The following PRKCA variants were observed in gnomAD, a reference collection of about 807,000 sequenced individuals.
The protein encoded by PRKCA is protein kinase C alpha, also known as protein kinase C alpha type.
PRKCA carries 27 observed loss-of-function variants against 87.0 expected under a neutral mutation model. The observed-to-expected ratio is 0.31, with a 90% CI of 0.23 to 0.43. PRKCA has a LOEUF of 0.43. Among genes scored for constraint, PRKCA ranks in the 20% least tolerant of loss-of-function variants. The probability of loss-of-function intolerance (pLI) is 1.00; values close to 1 mark genes in which losing one functional copy is unlikely to be tolerated. For synonymous variants in PRKCA, 329 were observed against 311.1 expected (o/e 1.06, Z -0.61); for missense variants, 518 against 852.3 (o/e 0.61, Z 4.88).
chr17:66,360,584 A>G (rs1908333923), intron 2 of PRKCA, among the ~76,000 whole-genome samples: 1 of 152,204 alleles, frequency 6.6e-6, no homozygotes, highest in Admixed American at 6.5e-5. Context: ...TGCTTGTGGC[A>G]GCTGGGAACA....
intron 2 of PRKCA, among the ~76,000 whole-genome samples, chr17:66,353,118 T>A (rs1490661152): frequency 3.3e-5 from 5 of 152,176 alleles, no homozygotes; most frequent in Admixed American, 3.3e-4. Flanking sequence ...ACTACACAGC[T>A]GGGTGGCTAT....
intron 2 of PRKCA, among the ~76,000 whole-genome samples, chr17:66,410,831 C>T (rs1254051427): frequency 1.3e-5 from 2 of 152,228 alleles, no homozygotes; most frequent in Non-Finnish European, 1.5e-5. Flanking sequence ...CCACCTTGGC[C>T]TCCCAAAGTG....
intron 2 of PRKCA, among the ~76,000 whole-genome samples, chr17:66,400,618 A>G (rs923694462): frequency 1.3e-5 from 2 of 152,218 alleles, no homozygotes; most frequent in Non-Finnish European, 1.5e-5. Context: ...CCTGCTTTCA[A>G]TTCTTTAGGA....
chr17:66,491,032 C>G (rs1320673158), intron 2 of PRKCA, among the ~76,000 whole-genome samples: 3 of 152,150 alleles, frequency 2.0e-5, no homozygotes, highest in Non-Finnish European at 2.9e-5. Flanking sequence ...ATTGGGTGTT[C>G]TCAGTTTTAA....
intron 8 of PRKCA, among the ~76,000 whole-genome samples, chr17:66,698,888 A>G (rs2144082589): frequency 6.6e-6 from 1 of 151,470 alleles, no homozygotes; most frequent in Middle Eastern, 3.5e-3. Flanking sequence ...GCTGAGGCAC[A>G]GGAATCACTT....
intron 3 of PRKCA, chr17:66,638,136 GTGTGTGTA>G (rs570453856): frequency 0.011 from 1,699 of 148,188 alleles, 27 homozygotes; most frequent in African/African-American, 0.039. Context: ...GTGTGTGTGT[GTGTGTGTA>G]TATATATATA....
chr17:66,772,270 A>T (rs1974950459), intron 13 of PRKCA, among the ~76,000 whole-genome samples: 1 of 151,728 alleles, frequency 6.6e-6, no homozygotes, highest in African/African-American at 2.4e-5. Context: ...GAAATTAGAG[A>T]CTCCTTGTAG....
rs1975757241 is a variant in PRKCA at position 66,798,531 on chromosome 17, TGGTGGTGAC to T, written c.1855-5334_1855-5326del. ...GTGACGGTGGTGACGGTGGTGGTGATGGTGGTGACGGTGGTGGTGGTGATGGTGGTGGTG... is the reference window on the plus strand; with the variant it reads ...GTGACGGTGGTGACGGTGGTGGTGATGGTGGTGGTGGTGATGGTGGTGGTG... On this transcript the variant is annotated intron_variant, in intron 16 of 16. Coordinates refer to ENST00000413366, the MANE Select transcript of PRKCA (RefSeq NM_002737.3). Among the ~76,000 whole-genome samples the T allele has an allele frequency of 6.4e-5, 2 of 31,226 alleles. 1 individual carries two copies. Among genetic ancestry groups the T allele is most frequent in the African/African-American group, 4.5e-4 (2 of 4,458 alleles). 20.5% of individuals were successfully genotyped at this position (31,226 alleles called of 152,430 possible). A position where few individuals can be genotyped will look rare whatever the true frequency, so the allele number is the denominator to read the frequency against.
At chr17:66,509,248 T>G (rs1407795776) in intron 3 of PRKCA, among the ~76,000 whole-genome samples, 1 of 151,874 alleles carries the variant, frequency 6.6e-6, no homozygotes, top group Non-Finnish European at 1.5e-5. Context: ...AATGCAATTA[T>G]GGAGGCCGGC....
intron 16 of PRKCA, among the ~76,000 whole-genome samples, chr17:66,794,436 G>A (rs1358049641): frequency 3.3e-5 from 5 of 150,720 alleles, no homozygotes; most frequent in African/African-American, 1.2e-4. Flanking sequence ...TTTAATTATC[G>A]AAGCTGGTGC....
chr17:66,730,279 A>G (rs1192552971), intron 8 of PRKCA, among the ~76,000 whole-genome samples: 3 of 152,210 alleles, frequency 2.0e-5, no homozygotes, highest in African/African-American at 7.2e-5. Context: ...ATTGGGGTTC[A>G]GCCTAAGAGG....
chr17:66,641,202 A>G (rs1971287957), intron 3 of PRKCA, among the ~76,000 whole-genome samples, 153 bp from the exon 4 acceptor site: 1 of 151,804 alleles, frequency 6.6e-6, no homozygotes, highest in Non-Finnish European at 1.5e-5. Context: ...CGAAGTCACC[A>G]CCACCCATTG....
rs3053460 is a variant in PRKCA, at chr17:66,808,322, G to GT, written c.*4299dup. 1,945 of 131,214 alleles carry GT rather than the reference G, an allele frequency of 0.015. 43 individuals are homozygous for GT. Among genetic ancestry groups the GT allele is most frequent in the African/African-American group, 0.038 (1,301 of 34,228 alleles). The allele number at this position is 131,214 out of a possible 1,614,324, so 8.1% of individuals were successfully genotyped here. A position where few individuals can be genotyped will look rare whatever the true frequency, so the allele number is the denominator to read the frequency against. Reference sequence around the variant, plus strand: ...GAGGGTTTTTTTTGTTTTTGTTCCTGTTTTTTTTTTTTTTGCTGGAATTTG... The same window carrying GT: ...GAGGGTTTTTTTTGTTTTTGTTCCTGTTTTTTTTTTTTTTTGCTGGAATTTG... On this transcript the variant is annotated 3_prime_UTR_variant, in exon 17 of 17. Coordinates refer to ENST00000413366, the MANE Select transcript of PRKCA (RefSeq NM_002737.3).
intron 8 of PRKCA, among the ~76,000 whole-genome samples, chr17:66,710,141 G>A (rs985551621): frequency 5.3e-5 from 8 of 152,078 alleles, no homozygotes; most frequent in South Asian, 2.1e-4. Flanking sequence ...TTGATTCTAG[G>A]CCTTTCACTA....
At chr17:66,751,386 G>A (rs1167870752) in intron 13 of PRKCA, among the ~76,000 whole-genome samples, 1 of 152,190 alleles carries the variant, frequency 6.6e-6, no homozygotes, top group East Asian at 1.9e-4. Context: ...CAGCCTCAGA[G>A]CACAGGCTGG....
At chr17:66,613,202 A>G (rs1970417645) in intron 3 of PRKCA, among the ~76,000 whole-genome samples, 1 of 152,218 alleles carries the variant, frequency 6.6e-6, no homozygotes, top group African/African-American at 2.4e-5. Flanking sequence ...ACCGCTAATT[A>G]GAGTTCTCTG....
At chr17:66,408,673 A>G (rs533874763) in intron 2 of PRKCA, among the ~76,000 whole-genome samples, 69 of 152,320 alleles carry the variant, frequency 4.5e-4, no homozygotes, top group South Asian at 1.4e-3. Context: ...TTCACCAGTA[A>G]TAAGAGCAGA....
chr17:66,744,337 A>C (rs1311936179), intron 13 of PRKCA, among the ~76,000 whole-genome samples: 1 of 152,222 alleles, frequency 6.6e-6, no homozygotes, highest in East Asian at 1.9e-4. Context: ...TGTAGTATTT[A>C]TTCTGAAGCC....
chr17:66,637,392 C>T (rs1480605707), intron 3 of PRKCA, among the ~76,000 whole-genome samples: 1 of 152,174 alleles, frequency 6.6e-6, no homozygotes, highest in African/African-American at 2.4e-5. Flanking sequence ...CGCAACCTTT[C>T]CTGTCAACAC....
Sources: allele counts gnomAD v4.1 joint callset (sites outside exome capture counted in the v4.1 genomes callset), GRCh38; gene constraint gnomAD v4.1.1; transcripts MANE v1.5; gene names NCBI Gene and HGNC (gene_info 2026-07-23, HGNC 2026-07-21).